RARB: variants seen among roughly 807,000 people sequenced by gnomAD.
RARB encodes retinoic acid receptor beta, also known as HBV-activated protein.
A neutral mutation model predicts 51.9 loss-of-function variants in RARB; 17 were observed. The ratio of observed to expected loss-of-function variants is 0.33; its 90% CI spans 0.22 to 0.49. RARB has a LOEUF of 0.49. RARB is among the 20% of genes least tolerant of loss of function. The pLI, the probability that RARB is intolerant of heterozygous loss-of-function variation, is 0.99. For missense variants in RARB, 369 were observed against 550.8 expected, an observed-to-expected ratio of 0.67 and a Z score of 3.30; for synonymous variants, 215 against 195.4, an observed-to-expected ratio of 1.10 and a Z score of -0.84.
At chr3:25,334,956 T>C (rs1384062168) in intron 5 of RARB, among the ~76,000 whole-genome samples, 1 of 152,158 alleles carries the variant, frequency 6.6e-6, no homozygotes. Context: ...AATGTGAAGA[T>C]AAGAAACAAT....
At chr3:25,382,832 T>G (rs1488459478) in intron 5 of RARB, among the ~76,000 whole-genome samples, 1 of 152,164 alleles carries the variant, frequency 6.6e-6, no homozygotes, top group East Asian at 1.9e-4. Flanking sequence ...CACTCCAGCC[T>G]GGGTGACAGA....
intron 5 of RARB, among the ~76,000 whole-genome samples, chr3:25,405,132 A>T (rs80297623): frequency 2.9e-3 from 448 of 152,310 alleles, no homozygotes; most frequent in African/African-American, 1.0e-2. Flanking sequence ...ACCGTCTCTT[A>T]ATCCCCAGAG....
intron 5 of RARB, among the ~76,000 whole-genome samples, chr3:25,239,757 G>A (rs183554864): frequency 6.6e-6 from 1 of 151,956 alleles, no homozygotes; most frequent in Non-Finnish European, 1.5e-5. Context: ...TTTGTTTTTT[G>A]TGTTCAGGGT....
intron 5 of RARB, among the ~76,000 whole-genome samples, chr3:25,374,219 A>C (rs116416082): frequency 0.035 from 5,275 of 152,176 alleles, 117 homozygotes; most frequent in Middle Eastern, 0.065. Context: ...ATACATTCAC[A>C]CACTATGCTC....
chr3:25,284,821 A>C (rs150699715), intron 5 of RARB, among the ~76,000 whole-genome samples: 11 of 152,338 alleles, frequency 7.2e-5, no homozygotes, highest in African/African-American at 2.6e-4. Context: ...CGGGATGCCA[A>C]AGCTAGGTAC....
intron 4 of RARB, among the ~76,000 whole-genome samples, chr3:25,161,030 G>A (rs916482153): frequency 1.3e-5 from 2 of 151,904 alleles, no homozygotes; most frequent in African/African-American, 2.4e-5. Flanking sequence ...TGTTGTTGTT[G>A]GAGATGGAGT....
chr3:25,452,382 T>G (rs1350295301), intron 1 of RARB, among the ~76,000 whole-genome samples: 1 of 151,956 alleles, frequency 6.6e-6, no homozygotes, highest in Non-Finnish European at 1.5e-5. Flanking sequence ...CAGGAATAAC[T>G]TCTATTGCTG....
chr3:25,516,496 A>G (rs1293164233), intron 3 of RARB, among the ~76,000 whole-genome samples: 1 of 152,212 alleles, frequency 6.6e-6, no homozygotes, highest in Non-Finnish European at 1.5e-5. Context: ...CAAATGAATA[A>G]TCAAATTGAG....
intron 2 of RARB, among the ~76,000 whole-genome samples, chr3:24,914,583 A>T (rs184793094): frequency 6.6e-6 from 1 of 152,286 alleles, no homozygotes; most frequent in East Asian, 1.9e-4. Flanking sequence ...CTGATAGAAA[A>T]TGCTGTAGTA....
chr3:25,106,244 G>GT (rs1699496248), intron 3 of RARB, among the ~76,000 whole-genome samples: 1 of 44,962 alleles, frequency 2.2e-5, no homozygotes, highest in Non-Finnish European at 4.5e-5. Context: ...TCAAAGGGTG[G>GT]TTTCTCGGAG....
At chr3:25,092,644 G>C (rs369718199) in intron 3 of RARB, among the ~76,000 whole-genome samples, 36 of 152,042 alleles carry the variant, frequency 2.4e-4, no homozygotes, top group African/African-American at 8.7e-4. Flanking sequence ...TTCCAGAAAA[G>C]AATGTGGGAG....
chr3:25,510,551 A>G (rs139578735), intron 3 of RARB, among the ~76,000 whole-genome samples: 2,277 of 152,122 alleles, frequency 0.015, 60 homozygotes, highest in African/African-American at 0.052. Flanking sequence ...ACATGAACCC[A>G]GGAGGCAGAG....
chr3:25,250,457 C>G lies in RARB; in HGVS notation c.178+75882C>G, dbSNP rs1702684373. Among the ~76,000 whole-genome samples, 4 of 152,280 alleles carry G rather than the reference C, an allele frequency of 2.6e-5. No homozygotes were observed. The South Asian group carries it at 8.3e-4, about 32-fold the overall frequency. ...TTCAGTGGCAGCAACCATAAACAGG[C>G]AGCTGGGGAATGAACACATTGGTCT... is the stretch of plus-strand genomic sequence containing the variant. On this transcript the variant is annotated intron_variant, in intron 5 of 11. Coordinates refer to the RARB transcript ENST00000383772.
At chr3:25,433,713 A>G (rs1019152547) in intron 1 of RARB, among the ~76,000 whole-genome samples, 8 of 152,086 alleles carry the variant, frequency 5.3e-5, no homozygotes, top group African/African-American at 1.9e-4. Context: ...AGATGAGATA[A>G]CCTGCCCCAT....
At chr3:25,269,331 A>C (rs1051312152) in intron 5 of RARB, among the ~76,000 whole-genome samples, 9 of 152,210 alleles carry the variant, frequency 5.9e-5, no homozygotes, top group African/African-American at 2.2e-4. Context: ...TATGCCCCAC[A>C]AAGCTTATCA....
chr3:25,492,937 C>G (rs980374420), intron 2 of RARB, among the ~76,000 whole-genome samples: 4 of 151,288 alleles, frequency 2.6e-5, no homozygotes, highest in African/African-American at 9.7e-5. Flanking sequence ...TACACCTTTA[C>G]TAAGTCCCCA....
At chr3:24,975,906 C>T (rs951767950) in intron 2 of RARB, among the ~76,000 whole-genome samples, 7 of 152,154 alleles carry the variant, frequency 4.6e-5, no homozygotes, top group African/African-American at 1.7e-4. Flanking sequence ...TCTCCCAGCG[C>T]TATCCCTGCC....
At position 25,276,821 on chromosome 3, in the gene RARB, T is replaced by G. The variant is rs568881133; in HGVS notation, c.178+102246T>G. On this transcript the variant is annotated intron_variant, in intron 5 of 11. Coordinates refer to the RARB transcript ENST00000383772. ...TGTCAAACCAATCGCTTCATAAGAC[T>G]GGTTGACAGGTCTCGGGATCAAAAG... Among the ~76,000 whole-genome samples the G allele has an allele frequency of 2.0e-5, 3 of 152,328 alleles. No homozygotes were observed. In the East Asian group the frequency reaches 5.8e-4, roughly 29 times the overall value.
chr3:25,321,318 A>T (rs936866070), intron 5 of RARB, among the ~76,000 whole-genome samples: 6 of 152,350 alleles, frequency 3.9e-5, no homozygotes, highest in African/African-American at 1.4e-4. Context: ...GCTTCCGCCA[A>T]GCCAAAGGTA....
Sources: allele counts gnomAD v4.1 joint callset (sites outside exome capture counted in the v4.1 genomes callset), GRCh38; gene constraint gnomAD v4.1.1; transcripts MANE v1.5; gene names NCBI Gene and HGNC (gene_info 2026-07-23, HGNC 2026-07-21).